LTAP1: variants seen among roughly 807,000 people sequenced by gnomAD.
LTAP1 encodes the protein lipid transport auxiliary protein 1.
the LTAP1 span, chr1:154,214,587 A>C: frequency 6.5e-7 from 1 of 1,544,508 alleles, no homozygotes. Context: ...GTTCACATAA[A>C]AAAAGAATAC....
chr1:154,212,005 C>T, the LTAP1 span: 133 of 287,382 alleles, frequency 4.6e-4, no homozygotes, highest in East Asian at 2.5e-4. Flanking sequence ...TACAGGCATG[C>T]GCCACCACGC....
the LTAP1 span, among the ~76,000 whole-genome samples, chr1:154,209,841 C>T: frequency 1.1e-4 from 17 of 152,106 alleles, no homozygotes; most frequent in Admixed American, 6.6e-4. Context: ...CCGCCCGCCT[C>T]GGCCTCTCCA....
At chr1:154,213,979 C>T in the LTAP1 span, 48 of 1,598,916 alleles carry the variant, frequency 3.0e-5, no homozygotes, top group Non-Finnish European at 3.9e-5. Flanking sequence ...TAGGCATAAC[C>T]CTAAAAATAT....
the LTAP1 span, chr1:154,213,855 T>C: frequency 1.3e-6 from 2 of 1,579,436 alleles, no homozygotes; most frequent in Non-Finnish European, 1.7e-6. Flanking sequence ...AGGTGGGCTT[T>C]CAGGATCCTA....
At chr1:154,215,289 G>T in the LTAP1 span, among the ~76,000 whole-genome samples, 1 of 152,120 alleles carries the variant, frequency 6.6e-6, no homozygotes, top group Non-Finnish European at 1.5e-5. Context: ...TAAAGGGGCC[G>T]GGTGCTGTGG....
At chr1:154,214,460 G>C in the LTAP1 span, 3 of 1,606,176 alleles carry the variant, frequency 1.9e-6, no homozygotes, top group African/African-American at 1.3e-5. Context: ...CACATACTTT[G>C]ATTTCCCTGG....
At chr1:154,212,622 T>C in the LTAP1 span, 1 of 1,613,732 alleles carries the variant, frequency 6.2e-7, no homozygotes, top group Non-Finnish European at 8.5e-7. Context: ...TGAAATGGGA[T>C]CTCTGTGGAG....
the LTAP1 span, chr1:154,212,265 AAC>A: frequency 3.2e-6 from 5 of 1,556,854 alleles, no homozygotes; most frequent in Non-Finnish European, 4.4e-6. Context: ...GCACTGTGGC[AAC>A]AGTCCAACAC....
chr1:154,207,540 G>A, the LTAP1 span: 2 of 1,614,068 alleles, frequency 1.2e-6, no homozygotes, highest in African/African-American at 2.7e-5. Flanking sequence ...TCTGACTGGA[G>A]GGGAGGTATG....
At chr1:154,220,316 G>A in the LTAP1 span, 4 of 1,613,712 alleles carry the variant, frequency 2.5e-6, no homozygotes, top group Non-Finnish European at 2.5e-6. Flanking sequence ...TGCGACAGCA[G>A]GAATGGGGTG....
the LTAP1 span, among the ~76,000 whole-genome samples, chr1:154,218,724 G>C: frequency 2.0e-5 from 3 of 152,182 alleles, no homozygotes; most frequent in South Asian, 6.2e-4. Context: ...ACTATGTGTA[G>C]GTCCTGGCTT....
At chr1:154,212,834 G>A in the LTAP1 span, 3 of 543,458 alleles carry the variant, frequency 5.5e-6, no homozygotes, top group Non-Finnish European at 9.7e-6. Flanking sequence ...GCTTATTTTT[G>A]TATTTTTAGT....
At chr1:154,215,498 A>G in the LTAP1 span, among the ~76,000 whole-genome samples, 1 of 151,312 alleles carries the variant, frequency 6.6e-6, no homozygotes, top group Non-Finnish European at 1.5e-5. Flanking sequence ...CCCGGGAGGC[A>G]GAGCTTGCAG....
At chr1:154,212,352 G>A in the LTAP1 span, 1 of 1,614,146 alleles carries the variant, frequency 6.2e-7, no homozygotes, top group Non-Finnish European at 8.5e-7. Flanking sequence ...CCTCCTGATA[G>A]CGTAGGTACT....
the LTAP1 span, among the ~76,000 whole-genome samples, chr1:154,216,677 G>A: frequency 6.6e-6 from 1 of 152,036 alleles, no homozygotes; most frequent in South Asian, 2.1e-4. Context: ...ACCATGCCCA[G>A]CTAATTTTTT....
the LTAP1 span, among the ~76,000 whole-genome samples, chr1:154,215,125 G>T: frequency 2.0e-5 from 3 of 152,074 alleles, no homozygotes; most frequent in African/African-American, 7.2e-5. Flanking sequence ...GATTACAGGT[G>T]TGAGCTACTG....
chr1:154,209,478 G>T, the LTAP1 span, among the ~76,000 whole-genome samples: 94,597 of 145,780 alleles, frequency 0.65, 31,714 homozygotes, highest in East Asian at 0.96. Context: ...CAGGTTAGAG[G>T]GCAGTGGCAT....
the LTAP1 span, among the ~76,000 whole-genome samples, chr1:154,209,422 AG>A: frequency 4.7e-5 from 6 of 127,054 alleles, no homozygotes; most frequent in Non-Finnish European, 6.4e-5. Flanking sequence ...TGCTCTAAGC[AG>A]TTTTTTTTTT....
the LTAP1 span, among the ~76,000 whole-genome samples, chr1:154,212,910 T>C: frequency 6.6e-6 from 1 of 152,114 alleles, no homozygotes; most frequent in African/African-American, 2.4e-5. Context: ...TGGCCTCCTG[T>C]GATCTGTCTG....
Sources: gnomAD v4.1 joint callset for allele counts (sites outside exome capture counted in the v4.1 genomes callset) on GRCh38, gnomAD v4.1.1 for gene constraint, MANE v1.5 for transcripts, NCBI Gene and HGNC (gene_info 2026-07-23, HGNC 2026-07-21) for gene names.